CAST: variants seen among roughly 807,000 people sequenced by gnomAD.
CAST encodes calpastatin, also known as MIR583 host.
A neutral mutation model predicts 119.6 loss-of-function variants in CAST; 76 were observed. The observed-to-expected ratio is 0.64, with a 90% CI of 0.53 to 0.77. CAST has a LOEUF of 0.77. CAST is among the 30% of genes least tolerant of loss of function. The probability of loss-of-function intolerance (pLI) is 0.00; values close to 1 mark genes in which losing one functional copy is unlikely to be tolerated. For missense variants in CAST, 953 were observed against 946.5 expected, an observed-to-expected ratio of 1.01 and a Z score of -0.09; for synonymous variants, 319 against 331.6, an observed-to-expected ratio of 0.96 and a Z score of 0.41.
chr5:96,751,112 C>G (rs1764947387), intron 20 of CAST, among the ~76,000 whole-genome samples: 1 of 152,158 alleles, frequency 6.6e-6, no homozygotes, highest in South Asian at 2.1e-4. Context: ...CAATTTCTTT[C>G]TCTTTCCTTC....
At chr5:96,661,244 C>T (rs1017286297), upstream of CAST, among the ~76,000 whole-genome samples, 1 of 142,002 alleles carries the variant, frequency 7.0e-6, no homozygotes, top group African/African-American at 2.7e-5. Flanking sequence ...TGGTGAAACC[C>T]CGTCTCTACC....
chr5:96,762,015 G>A (rs574318614), intron 24 of CAST: 13 of 280,048 alleles, frequency 4.6e-5, no homozygotes, highest in Non-Finnish European at 7.9e-5. Context: ...TAAACAAACC[G>A]TGGAACTCTA....
At chr5:96,749,977 T>G (rs1302525156) in intron 19 of CAST, among the ~76,000 whole-genome samples, 1 of 152,144 alleles carries the variant, frequency 6.6e-6, no homozygotes, top group Non-Finnish European at 1.5e-5. Flanking sequence ...TCTTAGTACA[T>G]GGGGCAGGGG....
At chr5:96,715,898 A>G (rs1757109702) in intron 3 of CAST, among the ~76,000 whole-genome samples, 1 of 152,234 alleles carries the variant, frequency 6.6e-6, no homozygotes, top group African/African-American at 2.4e-5. Context: ...CCCAAAAGAG[A>G]TGGCTGAACT....
the CAST span, among the ~76,000 whole-genome samples, chr5:96,012,751 A>C: frequency 6.6e-6 from 1 of 152,158 alleles, no homozygotes; most frequent in Non-Finnish European, 1.5e-5. Context: ...TACTTTTGCC[A>C]TGGCTTCCTT....
the CAST span, among the ~76,000 whole-genome samples, chr5:96,359,622 G>T: frequency 6.6e-6 from 1 of 152,136 alleles, no homozygotes; most frequent in Non-Finnish European, 1.5e-5. Context: ...AAAATTCTGG[G>T]TTGAAAATTC....
the CAST span, among the ~76,000 whole-genome samples, chr5:95,977,334 G>A: frequency 6.6e-6 from 1 of 152,236 alleles, no homozygotes; most frequent in Admixed American, 6.5e-5. Flanking sequence ...AAGCCATTTT[G>A]TAAGGTCTCT....
At chr5:96,175,515 A>G in the CAST span, among the ~76,000 whole-genome samples, 2 of 152,240 alleles carry the variant, frequency 1.3e-5, no homozygotes, top group African/African-American at 2.4e-5. Context: ...TAGTAAACAC[A>G]TAAATGATTG....
At chr5:96,500,198 G>A in the CAST span, among the ~76,000 whole-genome samples, 11 of 152,206 alleles carry the variant, frequency 7.2e-5, no homozygotes, top group African/African-American at 2.2e-4. Context: ...AAAATGTTAC[G>A]CAAAGACAAA....
At chr5:96,663,738 AAGTG>A (rs1297156460) in intron 1 of CAST, among the ~76,000 whole-genome samples, 1 of 152,094 alleles carries the variant, frequency 6.6e-6, no homozygotes, top group Admixed American at 6.5e-5. Context: ...GAAAGCGAGA[AAGTG>A]AGAGAGGGAG....
chr5:96,443,187 G>A, the CAST span, among the ~76,000 whole-genome samples: 1 of 152,304 alleles, frequency 6.6e-6, no homozygotes, highest in South Asian at 2.1e-4. Context: ...ACATCTGTAA[G>A]GCTCTGGCCC....
the CAST span, among the ~76,000 whole-genome samples, chr5:96,049,021 G>A: frequency 1.3e-5 from 2 of 152,190 alleles, no homozygotes; most frequent in East Asian, 1.9e-4. Context: ...GAAACACGCT[G>A]AGCTGACATC....
the CAST span, among the ~76,000 whole-genome samples, chr5:96,134,817 A>G: frequency 1.3e-5 from 2 of 152,208 alleles, no homozygotes; most frequent in Non-Finnish European, 2.9e-5. Context: ...TGCCTCTAGT[A>G]GGAAGAATAG....
chr5:96,362,504 T>G, the CAST span, among the ~76,000 whole-genome samples: 1 of 152,218 alleles, frequency 6.6e-6, no homozygotes, highest in Non-Finnish European at 1.5e-5. Flanking sequence ...TGTTGTTTCC[T>G]GACTTTTGAA....
chr5:96,360,737 G>C, the CAST span, among the ~76,000 whole-genome samples: 7 of 152,208 alleles, frequency 4.6e-5, no homozygotes, highest in Admixed American at 1.3e-4. Flanking sequence ...CAAGATGCCA[G>C]CTGGAGCTCT....
chr5:96,585,474 C>T (rs1746842902), intron 1 of CAST, among the ~76,000 whole-genome samples: 1 of 152,154 alleles, frequency 6.6e-6, no homozygotes, highest in Admixed American at 6.5e-5. Context: ...CCACCTCCTA[C>T]CTCAGATCTC....
At chr5:96,720,120 A>G (rs904870950) in intron 3 of CAST, among the ~76,000 whole-genome samples, 1 of 152,202 alleles carries the variant, frequency 6.6e-6, no homozygotes, top group African/African-American at 2.4e-5. Context: ...CCAGCACCTG[A>G]CACAGTACCT....
the CAST span, among the ~76,000 whole-genome samples, chr5:96,502,087 A>C: frequency 6.6e-6 from 1 of 152,130 alleles, no homozygotes; most frequent in African/African-American, 2.4e-5. Context: ...CATTTGAAAA[A>C]AACACAATTG....
At chr5:96,456,039 T>C in the CAST span, among the ~76,000 whole-genome samples, 1 of 152,052 alleles carries the variant, frequency 6.6e-6, no homozygotes, top group African/African-American at 2.4e-5. Flanking sequence ...GGGCTGGGTA[T>C]AACATGACAG....
Sources: allele counts gnomAD v4.1 joint callset (sites outside exome capture counted in the v4.1 genomes callset), GRCh38; gene constraint gnomAD v4.1.1; transcripts MANE v1.5; gene names NCBI Gene and HGNC (gene_info 2026-07-23, HGNC 2026-07-21).